MYEF2: variants seen among roughly 807,000 people sequenced by gnomAD.
MYEF2 encodes myelin expression factor 2.
Under a neutral mutation model 75.2 loss-of-function variants are expected in MYEF2, and 37 were observed. The observed-to-expected ratio is 0.49, with a 90% CI of 0.38 to 0.65. MYEF2 has a LOEUF of 0.65. MYEF2 is among the 30% of genes least tolerant of loss of function. The pLI is 0.00. For synonymous variants in MYEF2, 195 were observed against 241.6 expected (o/e 0.81, Z 1.79); for missense variants, 634 against 771.4 (o/e 0.82, Z 2.11).
At chr15:48,160,093 T>C (rs1038189253) in intron 5 of MYEF2, among the ~76,000 whole-genome samples, 1 of 152,112 alleles carries the variant, frequency 6.6e-6, no homozygotes, top group Non-Finnish European at 1.5e-5. Context: ...CATGCATACA[T>C]ACATGTAACT....
At position 48,149,551 on chromosome 15, in the gene MYEF2, A is replaced by G. The variant is rs2140832320; in HGVS notation, c.1379-180T>C. The G allele has an allele frequency of 2.4e-6, 1 of 423,936 alleles. No individual in the cohort carries two copies. Among genetic ancestry groups the G allele is most frequent in the East Asian group, 3.9e-5 (1 of 25,764 alleles). 26.3% of individuals were successfully genotyped at this position (423,936 alleles called of 1,614,324 possible). On this transcript the variant is annotated intron_variant, in intron 14 of 16. Coordinates refer to ENST00000324324, the MANE Select transcript of MYEF2 (RefSeq NM_016132.5). This position sits in a 1 kb window ranked among gnomAD's most constrained non-coding sequence, Gnocchi z 4.0. ...AAAACATAAAATTATTTTCATACAG[A>G]TAACAACTTTCCAAAGAACAGAATT...
chr15:48,147,641 G>C (rs1172189031), intron 16 of MYEF2, among the ~76,000 whole-genome samples: 1 of 151,804 alleles, frequency 6.6e-6, no homozygotes, highest in African/African-American at 2.4e-5. Flanking sequence ...TTACTATTTT[G>C]CTTTCTCTTA....
In MYEF2 at chr15:48,151,768, C is replaced by T; in HGVS notation, c.1207+106G>A. On this transcript the variant is annotated intron_variant, in intron 12 of 16. Coordinates refer to ENST00000324324, the MANE Select transcript of MYEF2 (RefSeq NM_016132.5). The stretch of plus-strand genomic sequence containing the variant: ...GTCCTTATCCCCTAGTGCCTATATG[C>T]CTTCTGAAGACATTTTTAGCACACA... 4 of 1,342,746 alleles carry T rather than the reference C, an allele frequency of 3.0e-6. No individual in the cohort carries two copies. In the Admixed American group the frequency reaches 5.1e-5, roughly 17 times the overall value. The allele number at this position is 1,342,746 out of a possible 1,614,324, so 83.2% of individuals were successfully genotyped here. A position where few individuals can be genotyped will look rare whatever the true frequency, so the allele number is the denominator to read the frequency against.
chr15:48,154,841 G>GA (rs907745948), intron 9 of MYEF2, among the ~76,000 whole-genome samples: 13 of 149,858 alleles, frequency 8.7e-5, no homozygotes, highest in South Asian at 4.2e-4. Flanking sequence ...TTGCAGGACA[G>GA]AAAAAAAAAT....
At chr15:48,145,252 AAG>A (rs2039238341) in intron 16 of MYEF2, among the ~76,000 whole-genome samples, 1 of 151,844 alleles carries the variant, frequency 6.6e-6, no homozygotes. Flanking sequence ...CAGAACCAGA[AAG>A]AGTTATAGAT....
chr15:48,178,093 AGCT>A lies in MYEF2; in HGVS notation c.142_144del (p.Ser49del). The A allele has an allele frequency of 1.3e-6, 2 of 1,599,906 alleles. No homozygotes were observed. The highest frequency in any genetic ancestry group is 8.5e-7 in the Non-Finnish European group (1 of 1,173,732). ...AGACAATACATTTTAACGCCATTGG[AGCT>A]GCTGCTGTGCTGCGGCTGCTGCTTC... On this transcript the variant is annotated inframe_deletion, in exon 1 of 17. Transcript: ENST00000324324.
In MYEF2 at chr15:48,141,065, G is replaced by A. The variant is rs750377665; in HGVS notation, c.*1843C>T. 1.4e-6 allele frequency: 2 copies of A among 1,438,678 alleles called. No individual in the cohort carries two copies. Among genetic ancestry groups the A allele is most frequent in the Non-Finnish European group, 1.9e-6 (2 of 1,027,108 alleles). The allele number at this position is 1,438,678 out of a possible 1,614,324, so 89.1% of individuals were successfully genotyped here. ...ATATCCAAAATAACTGCAAAGGATG[G>A]TTAGTGAATCTTTAAGATTTGTAAC... On this transcript the variant is annotated 3_prime_UTR_variant, in exon 17 of 17. Transcript: ENST00000324324.
At chr15:48,171,965 C>T (rs141017020) in intron 1 of MYEF2, among the ~76,000 whole-genome samples, 3 of 152,222 alleles carry the variant, frequency 2.0e-5, no homozygotes, top group African/African-American at 7.2e-5. Flanking sequence ...AAAAATCAAG[C>T]TCCAACATCA....
At chr15:48,171,713 A>G (rs2413885) in intron 1 of MYEF2, among the ~76,000 whole-genome samples, 141,001 of 152,106 alleles carry the variant, frequency 0.93, 66,052 homozygotes, top group Non-Finnish European at 1. Flanking sequence ...ACTATTTCCA[A>G]GTCATAAATA....
Position 48,151,180 on chromosome 15 carries a change from G to C in MYEF2, c.1307-9C>G. On this transcript the variant is annotated splice_polypyrimidine_tract_variant and intron_variant, in intron 13 of 16. Coordinates refer to ENST00000324324, the MANE Select transcript of MYEF2 (RefSeq NM_016132.5). Reference sequence around the variant, plus strand: ...TCCAATCATTGCACTGCCTAAACAAGGATGGAAAGATAATATACTAATTAA... The same window carrying C: ...TCCAATCATTGCACTGCCTAAACAACGATGGAAAGATAATATACTAATTAA... 3 of 1,600,702 alleles carry C rather than the reference G, an allele frequency of 1.9e-6. No individual in the cohort carries two copies. The highest frequency in any genetic ancestry group is 2.6e-6 in the Non-Finnish European group (3 of 1,171,990).
At chr15:48,177,176 G>C (rs2040561725) in intron 1 of MYEF2, among the ~76,000 whole-genome samples, 1 of 152,240 alleles carries the variant, frequency 6.6e-6, no homozygotes, top group Non-Finnish European at 1.5e-5. Flanking sequence ...AAGGAGGTAG[G>C]CATATGAAAG....
chr15:48,149,608 T>C lies in MYEF2; in HGVS notation c.1379-237A>G, dbSNP rs2039419073. ...CATATACATTTAGTTAGCTGAGAAA[T>C]TCTAGCCACTGTATAAATACATTAT... On this transcript the variant is annotated intron_variant, in intron 14 of 16. Transcript: ENST00000324324. The surrounding 1 kb of genome is among the most constrained non-coding windows in gnomAD (Gnocchi z 4.0). The C allele has an allele frequency of 3.2e-6, 1 of 315,610 alleles. No homozygotes were observed. The highest frequency in any genetic ancestry group is 4.4e-5 in the Admixed American group (1 of 22,706). 19.6% of individuals were successfully genotyped at this position (315,610 alleles called of 1,614,324 possible).
At chr15:48,155,641 C>T (rs188865847) in intron 9 of MYEF2, among the ~76,000 whole-genome samples, 18 of 150,862 alleles carry the variant, frequency 1.2e-4, no homozygotes, top group Admixed American at 9.9e-4. Context: ...GAATCACACT[C>T]ACATATAAAC....
At position 48,134,891 on chromosome 15, in the gene MYEF2, C is replaced by A. The variant is rs759318202; in HGVS notation, c.*8017G>T. 6.2e-7 allele frequency: 1 copy of A among 1,609,614 alleles called. No homozygotes were observed. The highest frequency in any genetic ancestry group is 1.7e-5 in the Admixed American group (1 of 59,884). ...TAACTTACCATATTACAGGTCTCAA[C>A]ACTATCATGTTGGCCCCTATTCAGA... On this transcript the variant is annotated 3_prime_UTR_variant, in exon 17 of 17. Coordinates refer to ENST00000324324, the MANE Select transcript of MYEF2 (RefSeq NM_016132.5).
chr15:48,171,710 C>T (rs1217132630), intron 1 of MYEF2, among the ~76,000 whole-genome samples: 1 of 151,962 alleles, frequency 6.6e-6, no homozygotes, highest in Admixed American at 6.5e-5. Context: ...TGAACTATTT[C>T]CAAGTCATAA....
At chr15:48,156,912 C>G (rs1028024590) in intron 9 of MYEF2, among the ~76,000 whole-genome samples, 2 of 152,034 alleles carry the variant, frequency 1.3e-5, no homozygotes. Context: ...GATAAATACT[C>G]TATCCATAAG....
At chr15:48,174,842 T>C (rs1698552548) in intron 1 of MYEF2, among the ~76,000 whole-genome samples, 2 of 152,120 alleles carry the variant, frequency 1.3e-5, no homozygotes, top group Non-Finnish European at 2.9e-5. Flanking sequence ...CTGGTGGGAA[T>C]ATACATTGGT....
intron 1 of MYEF2, chr15:48,169,786 C>A (rs558750389): frequency 6.6e-6 from 1 of 151,834 alleles, no homozygotes; most frequent in Admixed American, 6.6e-5. Context: ...TTAGTAGAGA[C>A]GGGGTTTCAT....
chr15:48,143,115 T>TTCTA (rs1287452490), intron 16 of MYEF2, 44 bp from the exon 17 acceptor site: 1 of 1,367,164 alleles, frequency 7.3e-7, no homozygotes, highest in African/African-American at 1.5e-5. Flanking sequence ...TTTAAATAAG[T>TTCTA]TCTATTTCAC....
Sources: gnomAD v4.1 joint callset for allele counts (sites outside exome capture counted in the v4.1 genomes callset) on GRCh38, gnomAD v4.1.1 for gene constraint, Gnocchi (gnomAD v3.1) non-coding constraint, MANE v1.5 for transcripts, NCBI Gene and HGNC (gene_info 2026-07-23, HGNC 2026-07-21) for gene names.